Variants in MIA2 observed in about 807,000 individuals in gnomAD.
MIA2 encodes melanoma inhibitory activity protein 2.
MIA2 carries 127 observed loss-of-function variants against 167.8 expected under a neutral mutation model. The observed-to-expected ratio is 0.76, with a 90% confidence interval of 0.66 to 0.88. The LOEUF (loss-of-function observed/expected upper bound fraction) is 0.88. MIA2 is among the 40% of genes least tolerant of loss of function. The pLI, the probability that MIA2 is intolerant of heterozygous loss-of-function variation, is 0.00. For missense variants in MIA2, 1,690 were observed against 1,624.7 expected (o/e 1.04, Z -0.69); for synonymous variants, 552 against 541.9 (o/e 1.02, Z -0.26).
At chr14:39,248,162 ATTAGAAT>A in intron 4 of MIA2, 21 bp downstream of exon 4, 2 of 1,299,988 alleles carry the variant, frequency 1.5e-6, no homozygotes, top group East Asian at 5.1e-5. Flanking sequence ...AAATATTTAC[ATTAGAAT>A]TTATTTTATT....
Position 39,295,047 on chromosome 14 carries a change from A to T in MIA2, c.2496+18A>T. 2.0e-6 allele frequency: 3 copies of T among 1,482,738 alleles called. No homozygotes were observed. The highest frequency in any genetic ancestry group is 1.7e-5 in the Admixed American group (1 of 59,216). 91.8% of individuals were successfully genotyped at this position (1,482,738 alleles called of 1,614,324 possible). A position where few individuals can be genotyped will look rare whatever the true frequency, so the allele number is the denominator to read the frequency against. On this transcript the variant is annotated intron_variant, in intron 13 of 28. Coordinates refer to ENST00000640607, the MANE Select transcript of MIA2 (RefSeq NM_001329214.4). The stretch of plus-strand genomic sequence containing the variant: ...AGAAACAGGTTTGTGCTCCGTAGGG[A>T]CTCTTCAACTTGTGAATATGTAATT...
intron 6 of MIA2, among the ~76,000 whole-genome samples, chr14:39,262,667 T>C (rs1164116666): frequency 6.6e-6 from 1 of 152,262 alleles, no homozygotes; most frequent in Non-Finnish European, 1.5e-5. Context: ...TTCTTCCATT[T>C]GTTTGTGTCC....
chr14:39,313,052 T>C (rs1490401958), intron 18 of MIA2, among the ~76,000 whole-genome samples: 1 of 152,076 alleles, frequency 6.6e-6, no homozygotes, highest in African/African-American at 2.4e-5. Context: ...ATAATAGTTT[T>C]TATTAAATAT....
chr14:39,334,742 A>G (rs1191597608), intron 25 of MIA2, among the ~76,000 whole-genome samples: 2 of 151,894 alleles, frequency 1.3e-5, no homozygotes, highest in African/African-American at 4.8e-5. Flanking sequence ...TAATATTTGT[A>G]TTTTTAGTAG....
intron 10 of MIA2, among the ~76,000 whole-genome samples, chr14:39,291,503 T>C (rs1487645693): frequency 6.6e-6 from 1 of 152,236 alleles, no homozygotes; most frequent in Non-Finnish European, 1.5e-5. Context: ...ATTATGACAG[T>C]ATTTGCTTTA....
chr14:39,371,055 C>T (rs888365539), intron 23 of MIA2, among the ~76,000 whole-genome samples: 1 of 152,032 alleles, frequency 6.6e-6, no homozygotes, highest in Non-Finnish European at 1.5e-5. Context: ...AATCCTCTAA[C>T]GTAAATCATT....
At chr14:39,314,979 T>C in intron 20 of MIA2, 180 bp downstream of exon 20, 1 of 474,958 alleles carries the variant, frequency 2.1e-6, no homozygotes, top group Middle Eastern at 5.5e-4. Flanking sequence ...AGATAAGAAA[T>C]CTTATTTAAA....
chr14:39,344,008 T>G (rs1481296411), intron 25 of MIA2, among the ~76,000 whole-genome samples: 2 of 151,976 alleles, frequency 1.3e-5, no homozygotes, highest in South Asian at 2.1e-4. Flanking sequence ...ATTAAGACAT[T>G]AATCACATGG....
intron 23 of MIA2, among the ~76,000 whole-genome samples, chr14:39,358,111 C>T (rs1309684260): frequency 6.6e-6 from 1 of 152,096 alleles, no homozygotes; most frequent in Admixed American, 6.6e-5. Flanking sequence ...CCTTGCTAGA[C>T]TGGGGAAGTT....
intron 23 of MIA2, among the ~76,000 whole-genome samples, chr14:39,371,177 C>T (rs2074937272): frequency 6.6e-6 from 1 of 151,876 alleles, no homozygotes; most frequent in Admixed American, 6.6e-5. Context: ...ACGCTGTTTT[C>T]ATTTTTTAAA....
intron 17 of MIA2, among the ~76,000 whole-genome samples, chr14:39,306,625 C>G (rs574334057): frequency 6.6e-6 from 1 of 152,274 alleles, no homozygotes; most frequent in East Asian, 1.9e-4. Flanking sequence ...AAAGCCAAAC[C>G]ATATCATGAG....
intron 7 of MIA2, among the ~76,000 whole-genome samples, chr14:39,278,961 G>A (rs1229478439): frequency 6.6e-6 from 1 of 152,092 alleles, no homozygotes; most frequent in Non-Finnish European, 1.5e-5. Flanking sequence ...AGGAGTTCCA[G>A]ACCAGCCTGG....
rs1255729218 is a variant in MIA2, at chr14:39,302,132, C to CT, written c.2624dup (p.Thr876AspfsTer2). 1 of 1,613,296 alleles carries CT rather than the reference C, an allele frequency of 6.2e-7. No individual in the cohort carries two copies. On this transcript the variant is annotated frameshift_variant, in exon 15 of 29. Transcript: ENST00000640607. LOFTEE classifies it high-confidence loss of function. ...TTCCCCTTTGTTCAATGTCAAGACT[C>CT]TGACTGAACGCTTGTTAAAGATGAA...
chr14:39,247,166 G>C lies in MIA2; in HGVS notation c.592G>C (p.Glu198Gln). 1 of 1,614,136 alleles carries C rather than the reference G, an allele frequency of 6.2e-7. No individual in the cohort carries two copies. The highest frequency in any genetic ancestry group is 2.2e-5 in the East Asian group (1 of 44,872). Reference sequence around the variant, plus strand: ...TACCAGTGAATCAAAAGACTGGGAAGAAGTAGTTGTTGAAAGTATGGAACA... The same window carrying C: ...TACCAGTGAATCAAAAGACTGGGAACAAGTAGTTGTTGAAAGTATGGAACA... ...GSTSESKDWE[E>Q]VVVESMEQDR... Residue 198 changes from glutamate to glutamine, a missense_variant, in exon 4 of 29, where the codon GAA (glutamate) becomes CAA (glutamine). Glu to Gln is a conservative substitution (Grantham distance 29). Coordinates refer to ENST00000640607, the MANE Select transcript of MIA2 (RefSeq NM_001329214.4).
intron 28 of MIA2, 32 bp downstream of exon 28, chr14:39,349,009 C>A (rs758284071): frequency 7.6e-6 from 12 of 1,587,182 alleles, no homozygotes; most frequent in Non-Finnish European, 8.6e-7. Flanking sequence ...TTTTAAAGCT[C>A]AATATGTGGT....
At chr14:39,276,062 T>G (rs564969104) in intron 6 of MIA2, among the ~76,000 whole-genome samples, 1 of 152,328 alleles carries the variant, frequency 6.6e-6, no homozygotes, top group South Asian at 2.1e-4. Context: ...CCATCATACT[T>G]CAGATTGTTC....
chr14:39,338,484 A>G (rs2070996775), intron 25 of MIA2, among the ~76,000 whole-genome samples: 1 of 152,236 alleles, frequency 6.6e-6, no homozygotes. Context: ...ATAAAGGGAT[A>G]GTTTTCAGTT....
chr14:39,327,246 G>C (rs1257737108), intron 25 of MIA2, among the ~76,000 whole-genome samples: 2 of 152,078 alleles, frequency 1.3e-5, no homozygotes, highest in East Asian at 1.9e-4. Context: ...TATTGTTTTT[G>C]TTGCTTGTAG....
At chr14:39,254,361 T>C (rs2054721002) in intron 6 of MIA2, among the ~76,000 whole-genome samples, 2 of 152,170 alleles carry the variant, frequency 1.3e-5, no homozygotes, top group South Asian at 4.1e-4. Context: ...TTCAACTCTA[T>C]CTTGTAGATG....
Sources: allele counts gnomAD v4.1 joint callset (sites outside exome capture counted in the v4.1 genomes callset), GRCh38; gene constraint gnomAD v4.1.1; transcripts MANE v1.5; gene names NCBI Gene and HGNC (gene_info 2026-07-23, HGNC 2026-07-21).